The following PPM1H variants were observed in gnomAD, a reference collection of about 807,000 sequenced individuals.
PPM1H encodes protein phosphatase 1H.
PPM1H carries 27 observed loss-of-function variants against 54.9 expected under a neutral mutation model. The observed-to-expected ratio is 0.49, with a 90% CI of 0.36 to 0.68. The LOEUF (loss-of-function observed/expected upper bound fraction) is 0.68, where lower values mean the gene tolerates loss of function less well. Among genes scored for constraint, PPM1H ranks in the 30% least tolerant of loss-of-function variants. PPM1H has a pLI of 0.00. For synonymous variants in PPM1H, 305 were observed against 270.8 expected (o/e 1.13, Z -1.24); for missense variants, 596 against 667.8 (o/e 0.89, Z 1.19).
intron 1 of PPM1H, among the ~76,000 whole-genome samples, chr12:62,915,302 TGCCTGCAGC>T (rs936930116): frequency 2.6e-5 from 4 of 152,188 alleles, no homozygotes; most frequent in Non-Finnish European, 5.9e-5. Flanking sequence ...ATGTGGTGAG[TGCCTGCAGC>T]GCCTGCAGCC....
rs1290475819 is a variant in PPM1H, at chr12:62,934,820, G to A, written c.-84C>T. The A allele has an allele frequency of 4.8e-6, 6 of 1,242,424 alleles. No homozygotes were observed. Among genetic ancestry groups the A allele is most frequent in the Non-Finnish European group, 4.1e-6 (4 of 984,134 alleles). The allele number at this position is 1,242,424 out of a possible 1,614,324, so 77.0% of individuals were successfully genotyped here. The stretch of plus-strand genomic sequence containing the variant: ...CGCAGCGCGGGGCATGCAGGCTGCG[G>A]TGGGCGCCGGGCGCACGGCGAGTCG... On this transcript the variant is annotated 5_prime_UTR_variant, in exon 1 of 10. Transcript: ENST00000228705. This position sits in a 1 kb window ranked among gnomAD's most constrained non-coding sequence, Gnocchi z 4.2.
At chr12:62,777,577 G>T (rs1323812683) in intron 4 of PPM1H, among the ~76,000 whole-genome samples, 1 of 152,084 alleles carries the variant, frequency 6.6e-6, no homozygotes, top group African/African-American at 2.4e-5. Context: ...GATGGATTGA[G>T]GTGTATATAT....
At position 62,867,564 on chromosome 12, in the gene PPM1H, A is replaced by ATTTTTTTTTTTTTTTTTTTTTTTTTTT. The variant is rs34772338; in HGVS notation, c.246-35312_246-35286dup. ...TCCTGAAATACATCTTATGAGCACT[A>ATTTTTTTTTTTTTTTTTTTTTTTTTTT]TTTTTTTTTTTTTTTTTTTTTTTTT... On this transcript the variant is annotated intron_variant, in intron 1 of 9. Transcript: ENST00000228705. Among the ~76,000 whole-genome samples, 4 of 55,372 alleles carry ATTTTTTTTTTTTTTTTTTTTTTTTTTT rather than the reference A, an allele frequency of 7.2e-5. 1 individual carries two copies. Among genetic ancestry groups the ATTTTTTTTTTTTTTTTTTTTTTTTTTT allele is most frequent in the African/African-American group, 1.3e-4 (2 of 15,612 alleles). 36.3% of individuals were successfully genotyped at this position (55,372 alleles called of 152,430 possible). A position where few individuals can be genotyped will look rare whatever the true frequency, so the allele number is the denominator to read the frequency against.
At chr12:62,898,016 C>A (rs977687672) in intron 1 of PPM1H, among the ~76,000 whole-genome samples, 1 of 152,136 alleles carries the variant, frequency 6.6e-6, no homozygotes, top group African/African-American at 2.4e-5. Flanking sequence ...AGCCAGGGTA[C>A]CAACTGTATA....
rs562096573 is a variant in PPM1H at position 62,725,779 on chromosome 12, T to C, written c.955-5490A>G. On this transcript the variant is annotated intron_variant, in intron 5 of 9. Transcript: ENST00000228705. ...GTTCACATATGTCCAGGAGATGACATGTCATGCCTGTCCCCTGGCTGGCAG... is the reference window on the plus strand; with the variant it reads ...GTTCACATATGTCCAGGAGATGACACGTCATGCCTGTCCCCTGGCTGGCAG... Among the ~76,000 whole-genome samples the C allele has an allele frequency of 1.1e-3, 165 of 152,268 alleles. 3 individuals are homozygous for C. In the South Asian group the frequency reaches 0.033, roughly 30 times the overall value.
At chr12:62,854,808 G>A (rs1232740010) in intron 1 of PPM1H, among the ~76,000 whole-genome samples, 1 of 152,004 alleles carries the variant, frequency 6.6e-6, no homozygotes, top group Non-Finnish European at 1.5e-5. Context: ...AAGGCAGAAT[G>A]ACACAAAAGC....
intron 5 of PPM1H, among the ~76,000 whole-genome samples, chr12:62,729,196 C>T (rs969043691): frequency 6.6e-6 from 1 of 152,146 alleles, no homozygotes; most frequent in African/African-American, 2.4e-5. Context: ...GAGCCATTCA[C>T]AGGGACCAAG....
chr12:62,852,982 G>A (rs1323885004), intron 1 of PPM1H, among the ~76,000 whole-genome samples: 1 of 152,148 alleles, frequency 6.6e-6, no homozygotes, highest in Non-Finnish European at 1.5e-5. Context: ...GAAACAACTA[G>A]AAAAAACTAA....
rs144970871 is a variant in PPM1H, at chr12:62,852,405, C to T, written c.246-20126G>A. ...TGGCAGTCTATAACCAGGAAGAGGG[C>T]CCTCACTGGAACCTGACCATGCTGG... On this transcript the variant is annotated intron_variant, in intron 1 of 9. Transcript: ENST00000228705. 4.9e-3 allele frequency among the ~76,000 whole-genome samples: 740 copies of T among 152,134 alleles called. 6 individuals are homozygous for T. The highest frequency in any genetic ancestry group is 0.017 in the African/African-American group (686 of 41,482).
At chr12:62,653,558 A>C (rs980370703) in intron 9 of PPM1H, among the ~76,000 whole-genome samples, 1 of 152,072 alleles carries the variant, frequency 6.6e-6, no homozygotes, top group African/African-American at 2.4e-5. Context: ...GTTCTGTTAC[A>C]CCCAGGTTTT....
chr12:62,827,928 C>T (rs987007178), intron 2 of PPM1H, among the ~76,000 whole-genome samples: 1 of 152,170 alleles, frequency 6.6e-6, no homozygotes, highest in Non-Finnish European at 1.5e-5. Context: ...GTGATCTCCC[C>T]AATCGACTCA....
chr12:62,794,646 G>C (rs1347913703), intron 3 of PPM1H, among the ~76,000 whole-genome samples: 1 of 152,094 alleles, frequency 6.6e-6, no homozygotes, highest in East Asian at 1.9e-4. Context: ...TGCTAACTTG[G>C]TTCTGATCCC....
intron 8 of PPM1H, among the ~76,000 whole-genome samples, chr12:62,685,681 A>T (rs555466988): frequency 4.6e-4 from 70 of 152,342 alleles, no homozygotes; most frequent in Non-Finnish European, 6.9e-4. Flanking sequence ...TCAGTTAAAC[A>T]GGAGGAATAA....
At chr12:62,777,448 C>A (rs1489728903) in intron 4 of PPM1H, among the ~76,000 whole-genome samples, 3 of 152,170 alleles carry the variant, frequency 2.0e-5, no homozygotes, top group African/African-American at 7.2e-5. Context: ...TCATGGAAGG[C>A]ATAAAAATAT....
intron 4 of PPM1H, among the ~76,000 whole-genome samples, chr12:62,753,142 C>T (rs1300950810): frequency 2.0e-5 from 3 of 152,146 alleles, no homozygotes; most frequent in African/African-American, 7.2e-5. Context: ...GGGAGAAAAA[C>T]AAAGCCGAGA....
At chr12:62,704,339 A>G (rs901737755) in intron 6 of PPM1H, among the ~76,000 whole-genome samples, 7 of 152,174 alleles carry the variant, frequency 4.6e-5, no homozygotes, top group Non-Finnish European at 7.3e-5. Context: ...CCCCAGGCTC[A>G]TCATTGTATA....
At position 62,667,984 on chromosome 12, in the gene PPM1H, C is replaced by A. The variant is rs531828386; in HGVS notation, c.1246-655G>T. ...GACACTACCTTCATGTTTCAGGAGC[C>A]TCAACTGAGGCTCACAGAAGATACA... On this transcript the variant is annotated intron_variant, in intron 8 of 9. Coordinates refer to ENST00000228705, the MANE Select transcript of PPM1H (RefSeq NM_020700.2). Among the ~76,000 whole-genome samples, 44 of 152,284 alleles carry A rather than the reference C, an allele frequency of 2.9e-4. 1 individual carries two copies. The South Asian group carries it at 9.1e-3, about 32-fold the overall frequency.
intron 3 of PPM1H, 113 bp downstream of exon 3, chr12:62,801,703 G>GT: frequency 8.5e-7 from 1 of 1,177,616 alleles, no homozygotes; most frequent in South Asian, 1.5e-5. Flanking sequence ...GGCCGTCCAG[G>GT]TGGAGCCAGG....
intron 5 of PPM1H, among the ~76,000 whole-genome samples, chr12:62,733,663 G>T (rs1474178372): frequency 6.6e-6 from 1 of 152,126 alleles, no homozygotes; most frequent in Non-Finnish European, 1.5e-5. Context: ...CTAACTCAGG[G>T]TATTTTATGT....
Sources: allele counts gnomAD v4.1 joint callset (sites outside exome capture counted in the v4.1 genomes callset), GRCh38; gene constraint gnomAD v4.1.1; non-coding constraint Gnocchi (gnomAD v3.1); transcripts MANE v1.5; gene names NCBI Gene and HGNC (gene_info 2026-07-23, HGNC 2026-07-21).